DNTTIP2: variants seen among roughly 807,000 people sequenced by gnomAD.
DNTTIP2 encodes deoxynucleotidyltransferase terminal interacting protein 2, also known as deoxynucleotidyltransferase terminal-interacting protein 2.
Under a neutral mutation model 62.4 loss-of-function variants are expected in DNTTIP2, and 47 were observed. The observed-to-expected ratio is 0.75, with a 90% CI of 0.60 to 0.96. The LOEUF (loss-of-function observed/expected upper bound fraction) is 0.96, where lower values mean the gene tolerates loss of function less well. Among genes scored for constraint, DNTTIP2 ranks in the 40% least tolerant of loss-of-function variants. The probability of loss-of-function intolerance (pLI) is 0.00; values close to 1 mark genes in which losing one functional copy is unlikely to be tolerated. For missense variants in DNTTIP2, 870 were observed against 849.1 expected, an observed-to-expected ratio of 1.02 and a Z score of -0.31; for synonymous variants, 322 against 300.9, an observed-to-expected ratio of 1.07 and a Z score of -0.73.
At chr1:93,871,991 A>C (rs1264735317) in intron 5 of DNTTIP2, 81 bp downstream of exon 5, 10 of 1,450,426 alleles carry the variant, frequency 6.9e-6, no homozygotes, top group Non-Finnish European at 9.5e-6. Context: ...CCTCTATTTT[A>C]GGAGTAAACT....
rs1363136112 is a variant in DNTTIP2, at chr1:93,873,287, G to GT, written c.1807-74dup. 4.8e-6 allele frequency: 6 copies of GT among 1,244,196 alleles called. No individual in the cohort carries two copies. In the African/African-American group the frequency reaches 6.1e-5, roughly 13 times the overall value. The allele number at this position is 1,244,196 out of a possible 1,614,324, so 77.1% of individuals were successfully genotyped here. A position where few individuals can be genotyped will look rare whatever the true frequency, so the allele number is the denominator to read the frequency against. ...AAGTTTTTCAACAGTTTAAACTTCT[G>GT]TAAGTTTTAAAATTTTTAGTCAGCC... is the stretch of plus-strand genomic sequence containing the variant. On this transcript the variant is annotated intron_variant, in intron 3 of 6. Transcript: ENST00000436063.
At chr1:93,878,903 G>T in intron 1 of DNTTIP2, 174 bp downstream of exon 1, 1 of 793,778 alleles carries the variant, frequency 1.3e-6, no homozygotes, top group Non-Finnish European at 1.9e-6. Flanking sequence ...AGTGGTGAAG[G>T]CTAAACAGTT....
chr1:93,875,898 G>GA (rs1311756569), intron 2 of DNTTIP2, 115 bp from the exon 3 acceptor site: 41 of 1,019,082 alleles, frequency 4.0e-5, no homozygotes, highest in African/African-American at 8.5e-5. Flanking sequence ...CCACAATAAA[G>GA]AAAAAAAAGC....
In DNTTIP2 at chr1:93,875,933, G is replaced by GA. The variant is rs201397149; in HGVS notation, c.1668-151dup. On this transcript the variant is annotated intron_variant, in intron 2 of 6. Coordinates refer to ENST00000436063, the MANE Select transcript of DNTTIP2 (RefSeq NM_014597.5). ...CATCTTATTTTTATGAGGAATTCCT[G>GA]AAAAAAAACTCTAAATAAATATATT... 9.7e-3 allele frequency: 7,528 copies of GA among 779,468 alleles called. 59 individuals carry two copies. Among genetic ancestry groups the GA allele is most frequent in the Non-Finnish European group, 0.011 (5,794 of 505,772 alleles). The allele number at this position is 779,468 out of a possible 1,614,324, so 48.3% of individuals were successfully genotyped here. A position where few individuals can be genotyped will look rare whatever the true frequency, so the allele number is the denominator to read the frequency against.
chr1:93,876,955 T>C lies in DNTTIP2; in HGVS notation c.980A>G (p.Gln327Arg). 6.2e-7 allele frequency: 1 copy of C among 1,613,354 alleles called. No homozygotes were observed. Residue 327 changes from glutamine to arginine, a missense_variant, in exon 2 of 7, where the codon CAG becomes CGG. Physicochemically the swap from Gln to Arg is conservative, Grantham distance 43. Transcript: ENST00000436063. Reference sequence around the variant, plus strand: ...AACTAACTGTTGAAGGCTAGTGTCCTGAAGTTCAGAAAGATTCTTCAGCTG... The same window carrying C: ...AACTAACTGTTGAAGGCTAGTGTCCCGAAGTTCAGAAAGATTCTTCAGCTG... ...SSQLKNLSEL[Q>R]DTSLQQLVSQ...
rs929270348 is a variant in DNTTIP2, at chr1:93,869,213, A to AG, written c.*637_*638insC. 24 of 151,116 alleles carry AG rather than the reference A, an allele frequency of 1.6e-4. No homozygotes were observed. Among genetic ancestry groups the AG allele is most frequent in the African/African-American group, 5.4e-4 (22 of 41,014 alleles). 9.4% of individuals were successfully genotyped at this position (151,116 alleles called of 1,614,324 possible). ...TTCGAAGAAACCCTGGCCAACTTAA[A>AG]TTATAGTTTAATCCTGTTTTACTTG... On this transcript the variant is annotated 3_prime_UTR_variant, in exon 7 of 7. Transcript: ENST00000436063.
rs1260871353 is a variant in DNTTIP2, at chr1:93,877,233, C to T, written c.702G>A (p.Val234=). 2 of 1,613,800 alleles carry T rather than the reference C, an allele frequency of 1.2e-6. No individual in the cohort carries two copies. The highest frequency in any genetic ancestry group is 1.7e-6 in the Non-Finnish European group (2 of 1,179,890). Reference sequence around the variant, plus strand: ...GTCTGGTATCTGAATCCTCTGAATTCACAGGTGTACCCACGATCTGTTTCT... The same window carrying T: ...GTCTGGTATCTGAATCCTCTGAATTTACAGGTGTACCCACGATCTGTTTCT... ...GNEKQIVGTP[V]NSEDSDTRQT... The change falls in exon 2 of 7, where the codon GTG becomes GTA. Residue 234 remains valine (V), a synonymous_variant. Coordinates refer to ENST00000436063, the MANE Select transcript of DNTTIP2 (RefSeq NM_014597.5).
rs1655878164 is a variant in DNTTIP2 at position 93,872,165 on chromosome 1, T to C, written c.1974A>G (p.Lys658=). 2.5e-6 allele frequency: 4 copies of C among 1,613,790 alleles called. No homozygotes were observed. Among genetic ancestry groups the C allele is most frequent in the Admixed American group, 3.3e-5 (2 of 59,996 alleles). ...TCATCTTCAGTGCTTTGAGATCATT[T>C]TTCAGTTCATTTGTCATTTCTGGAG... ...MKAPEMTNEL[K]NDLKALKMRA... The change falls in exon 5 of 7, where the codon AAA becomes AAG. Residue 658 remains lysine (K), a synonymous_variant. Transcript: ENST00000436063.
rs7526082 is a variant in DNTTIP2, at chr1:93,867,479, C to G, written c.*2372G>C. The G allele has an allele frequency of 0.77, 116,335 of 151,488 alleles. 45,194 individuals are homozygous for G. The highest frequency in any genetic ancestry group is 0.87 in the African/African-American group (36,118 of 41,292). The allele number at this position is 151,488 out of a possible 1,614,324, so 9.4% of individuals were successfully genotyped here. On this transcript the variant is annotated 3_prime_UTR_variant, in exon 7 of 7. Transcript: ENST00000436063. The stretch of plus-strand genomic sequence containing the variant: ...ATGCCCAGTAGTCCCAGCTACTTGG[C>G]AGGCTGAGGTATGATAATCGCTTGA...
Position 93,869,452 on chromosome 1 carries a change from TAAAAC to T in DNTTIP2, c.*394_*398del, listed in dbSNP as rs1655800971. On this transcript the variant is annotated 3_prime_UTR_variant, in exon 7 of 7. Transcript: ENST00000436063. ...ACAGACACACACACACATACACACA[TAAAAC>T]TACCTATTAATTACAATAATGTTTA... 1 of 171,074 alleles carries T rather than the reference TAAAAC, an allele frequency of 5.8e-6. No homozygotes were observed. The highest frequency in any genetic ancestry group is 5.8e-5 in the Admixed American group (1 of 17,230). The allele number at this position is 171,074 out of a possible 1,614,324, so 10.6% of individuals were successfully genotyped here.
At chr1:93,878,759 C>T (rs763171118) in intron 1 of DNTTIP2, 3 of 236,540 alleles carry the variant, frequency 1.3e-5, no homozygotes, top group Non-Finnish European at 2.5e-5. Context: ...GCATGGTGGC[C>T]GAAATTAACC....
intron 1 of DNTTIP2, 82 bp downstream of exon 1, chr1:93,878,995 T>C (rs1656085783): frequency 6.4e-7 from 1 of 1,557,550 alleles, no homozygotes; most frequent in African/African-American, 1.3e-5. Flanking sequence ...GTCCTCACCC[T>C]TAACCGGACC....
At chr1:93,871,038 C>T (rs1655849171) in intron 5 of DNTTIP2, 1 of 276,996 alleles carries the variant, frequency 3.6e-6, no homozygotes, top group South Asian at 1.2e-4. Context: ...TCATGATGCA[C>T]AGTGTAACTA....
intron 1 of DNTTIP2, among the ~76,000 whole-genome samples, chr1:93,878,103 G>A (rs751488629): frequency 6.6e-6 from 1 of 152,054 alleles, no homozygotes; most frequent in South Asian, 2.1e-4. Flanking sequence ...TCAGGAGTTC[G>A]AGACAGCTTG....
In DNTTIP2 at chr1:93,876,453, AGTT is replaced by A; in HGVS notation, c.1479_1481del (p.Thr494del). 6.2e-7 allele frequency: 1 copy of A among 1,613,880 alleles called. No individual in the cohort carries two copies. Among genetic ancestry groups the A allele is most frequent in the Non-Finnish European group, 8.5e-7 (1 of 1,179,876 alleles). On this transcript the variant is annotated inframe_deletion, in exon 2 of 7. Coordinates refer to ENST00000436063, the MANE Select transcript of DNTTIP2 (RefSeq NM_014597.5). ...AATTTTTATCAGCACTCATTCCAGG[AGTT>A]GTGTCAATTACAAACAATGCATTGT...
At position 93,869,134 on chromosome 1, in the gene DNTTIP2, C is replaced by T. The variant is rs775595583; in HGVS notation, c.*717G>A. ...CCAACACTCCTTGGGTGCCAGAAAC[C>T]AGCTTAGCCAGGGTGCATACTGTAC... On this transcript the variant is annotated 3_prime_UTR_variant, in exon 7 of 7. Transcript: ENST00000436063. The T allele has an allele frequency of 5.9e-5, 9 of 152,170 alleles. No homozygotes were observed. Among genetic ancestry groups the T allele is most frequent in the Non-Finnish European group, 1.3e-4 (9 of 68,052 alleles). 9.4% of individuals were successfully genotyped at this position (152,170 alleles called of 1,614,324 possible). A position where few individuals can be genotyped will look rare whatever the true frequency, so the allele number is the denominator to read the frequency against.
chr1:93,878,566 A>C (rs1656074869), intron 1 of DNTTIP2: 1 of 154,714 alleles, frequency 6.5e-6, no homozygotes, highest in Admixed American at 6.4e-5. Context: ...ACAGGAAAAA[A>C]TCGCCGCCGC....
chr1:93,871,420 AG>A (rs1655859173), intron 5 of DNTTIP2, among the ~76,000 whole-genome samples: 1 of 152,256 alleles, frequency 6.6e-6, no homozygotes, highest in African/African-American at 2.4e-5. Context: ...AAGAGAGGTA[AG>A]GAAGATTTAA....
In DNTTIP2 at chr1:93,872,060, T is replaced by C. The variant is rs1655875956; in HGVS notation, c.2067+12A>G. On this transcript the variant is annotated intron_variant, in intron 5 of 6. Coordinates refer to ENST00000436063, the MANE Select transcript of DNTTIP2 (RefSeq NM_014597.5). ...TTCACAGATCATCACCACTATTCTG[T>C]TTGCTTCATACCTGGAAGTACTTGG... 10 of 1,613,430 alleles carry C rather than the reference T, an allele frequency of 6.2e-6. No homozygotes were observed. The highest frequency in any genetic ancestry group is 1.7e-5 in the Admixed American group (1 of 59,966).
Sources: allele counts gnomAD v4.1 joint callset (sites outside exome capture counted in the v4.1 genomes callset), GRCh38; gene constraint gnomAD v4.1.1; transcripts MANE v1.5; gene names NCBI Gene and HGNC (gene_info 2026-07-23, HGNC 2026-07-21).